The following ATP7A variants were observed in gnomAD, a reference collection of about 807,000 sequenced individuals.
ATP7A encodes copper-transporting ATPase 1.
ATP7A carries 7 observed loss-of-function variants against 83.5 expected under a neutral mutation model. The observed-to-expected ratio is 0.08, with a 90% CI of 0.05 to 0.16. The LOEUF is 0.16. ATP7A is among the 10% of genes least tolerant of loss of function. ATP7A has a pLI of 1.00. For missense variants in ATP7A, 940 were observed against 1,120.8 expected (o/e 0.84, Z 2.30); for synonymous variants, 354 against 395.2 (o/e 0.90, Z 1.24).
At chrX:78,028,977 C>A (rs1197771883) in intron 14 of ATP7A, among the ~76,000 whole-genome samples, 2 of 111,928 alleles carry the variant, frequency 1.8e-5, no homozygotes, top group African/African-American at 6.5e-5. Flanking sequence ...GCAGCTATTT[C>A]TGAAAATTTC....
At chrX:77,929,696 G>A (rs1421176367) in intron 1 of ATP7A, among the ~76,000 whole-genome samples, 5 of 104,041 alleles carry the variant, frequency 4.8e-5, no homozygotes, top group Admixed American at 3.1e-4. Context: ...TTGAACTCCC[G>A]GGCTCAAGCA....
intron 2 of ATP7A, among the ~76,000 whole-genome samples, chrX:77,984,530 G>A (rs1240380159): frequency 9.1e-6 from 1 of 110,259 alleles, no homozygotes; most frequent in Non-Finnish European, 1.9e-5. Flanking sequence ...ACCACGGCCA[G>A]CTAATTTTTG....
In ATP7A at chrX:77,947,273, G is replaced by A. The variant is rs1198205823; in HGVS notation, c.-21-24348G>A. On this transcript the variant is annotated intron_variant, in intron 1 of 22. Coordinates refer to ENST00000341514, the MANE Select transcript of ATP7A (RefSeq NM_000052.7). ...CAGGGTCTGAAGGGGAGGGAGAATA[G>A]GGAGTTATTTTTTAATAGGTACAAA... 2.7e-5 allele frequency among the ~76,000 whole-genome samples: 3 copies of A among 110,959 alleles called. No individual in the cohort carries two copies. The East Asian group carries it at 8.4e-4, about 31-fold the overall frequency.
At chrX:77,964,603 C>T (rs1170978341) in intron 1 of ATP7A, 1 of 108,591 alleles carries the variant, frequency 9.2e-6, no homozygotes, top group African/African-American at 3.4e-5. Context: ...GTGTGTGATG[C>T]TTCCCTCCTT....
chrX:77,954,495 A>T (rs1557227130), intron 1 of ATP7A, among the ~76,000 whole-genome samples: 4 of 112,244 alleles, frequency 3.6e-5, no homozygotes. Context: ...TCCTCTGTTT[A>T]TATAATACTG....
At chrX:78,044,517 A>T (rs1376185231) in intron 21 of ATP7A, among the ~76,000 whole-genome samples, 3 of 111,954 alleles carry the variant, frequency 2.7e-5, no homozygotes, top group African/African-American at 9.7e-5. Flanking sequence ...TTAAAGAATT[A>T]TACAAGTATT....
At chrX:77,988,848 A>G in intron 3 of ATP7A, 117 bp downstream of exon 3, 1 of 914,272 alleles carries the variant, frequency 1.1e-6, no homozygotes, top group South Asian at 2.0e-5. Context: ...TGCTTGCTGT[A>G]TCATTGAGGT....
intron 10 of ATP7A, 59 bp from the exon 11 acceptor site, chrX:78,014,603 A>T: frequency 1.2e-6 from 1 of 867,572 alleles, no homozygotes; most frequent in Non-Finnish European, 1.7e-6. Context: ...TTTTTATTTT[A>T]GTTAAGACCT....
chrX:77,951,165 AG>A (rs1255180979), intron 1 of ATP7A, among the ~76,000 whole-genome samples: 1 of 112,224 alleles, frequency 8.9e-6, no homozygotes, highest in African/African-American at 3.2e-5. Flanking sequence ...ATGTTTTTGC[AG>A]TTTGTTTACA....
At chrX:78,044,198 G>T (rs1292960695) in intron 21 of ATP7A, among the ~76,000 whole-genome samples, 2 of 97,218 alleles carry the variant, frequency 2.1e-5, no homozygotes, top group Non-Finnish European at 4.0e-5. Flanking sequence ...AGGTTGTGGT[G>T]AGCCAAGATC....
intron 1 of ATP7A, among the ~76,000 whole-genome samples, chrX:77,922,003 C>T (rs2077218608): frequency 9.0e-6 from 1 of 110,754 alleles, no homozygotes; most frequent in Admixed American, 9.7e-5. Context: ...CTATGTTGCT[C>T]AGGCTGATCT....
chrX:77,992,822 C>T (rs1023728008), intron 4 of ATP7A, among the ~76,000 whole-genome samples: 11 of 111,791 alleles, frequency 9.8e-5, no homozygotes, highest in Non-Finnish European at 2.1e-4. Context: ...CCATGTTGGT[C>T]ACGCTGGTCT....
At chrX:77,995,651 A>C (rs2077699232) in intron 4 of ATP7A, among the ~76,000 whole-genome samples, 1 of 110,930 alleles carries the variant, frequency 9.0e-6, no homozygotes, top group African/African-American at 3.3e-5. Flanking sequence ...GTTTCCTTAA[A>C]GTAAAAAGGC....
At chrX:77,988,776 T>A in intron 3 of ATP7A, 45 bp downstream of exon 3, 1 of 1,205,926 alleles carries the variant, frequency 8.3e-7, no homozygotes, top group Non-Finnish European at 1.1e-6. Context: ...TAGGTGTCTG[T>A]TTTGATCTTT....
intron 17 of ATP7A, among the ~76,000 whole-genome samples, chrX:78,035,959 T>C (rs782272739): frequency 1.8e-5 from 2 of 112,196 alleles, no homozygotes; most frequent in Admixed American, 9.5e-5. Flanking sequence ...TTTACCTGCC[T>C]GTTTCTACTA....
chrX:77,989,370 A>G lies in ATP7A; in HGVS notation c.748A>G (p.Ile250Val), dbSNP rs1189996419. 9 of 1,209,725 alleles carry G rather than the reference A, an allele frequency of 7.4e-6. No individual in the cohort carries two copies. The Admixed American group carries it at 1.8e-4, about 24-fold the overall frequency. The change falls in exon 4 of 23, where the codon ATT becomes GTT. Residue 250 changes from isoleucine to valine, a missense_variant. Transcript: ENST00000341514. ...GCCCAAGTACCTCAAATTGGGAGCT[A>G]TTGATGTAGAACGTCTAAAGAACAC... is the stretch of plus-strand genomic sequence containing the variant. ...KQPKYLKLGA[I>V]DVERLKNTPV...
At chrX:78,030,163 C>G (rs782174721) in intron 15 of ATP7A, among the ~76,000 whole-genome samples, 1 of 112,399 alleles carries the variant, frequency 8.9e-6, no homozygotes, top group African/African-American at 3.2e-5. Context: ...CAGTGGCTCA[C>G]GCCTGTAATC....
At position 78,022,169 on chromosome X, in the gene ATP7A, G is replaced by T. The variant is rs1557235864; in HGVS notation, c.2916+1090G>T. Among the ~76,000 whole-genome samples the T allele has an allele frequency of 2.7e-5, 3 of 111,436 alleles. No individual in the cohort carries two copies. In the Admixed American group the frequency reaches 2.9e-4, roughly 11 times the overall value. On this transcript the variant is annotated intron_variant, in intron 14 of 22. Transcript: ENST00000341514. Reference sequence around the variant, plus strand: ...TGTCTGCAGACCTAATCTTTTCCTGGTCGTGTGACAAGAATCTGTTCTTTT... The same window carrying T: ...TGTCTGCAGACCTAATCTTTTCCTGTTCGTGTGACAAGAATCTGTTCTTTT...
At chrX:78,011,738 G>A (rs1557234562) in intron 9 of ATP7A, 64 bp downstream of exon 9, 1 of 1,056,958 alleles carries the variant, frequency 9.5e-7, no homozygotes, top group South Asian at 1.9e-5. Flanking sequence ...TGGCAGGCAA[G>A]GTTTATTTTC....
Sources: allele counts gnomAD v4.1 joint callset (sites outside exome capture counted in the v4.1 genomes callset), GRCh38; gene constraint gnomAD v4.1.1; transcripts MANE v1.5; gene names NCBI Gene and HGNC (gene_info 2026-07-23, HGNC 2026-07-21).